TNFAIP8: variants seen among roughly 807,000 people sequenced by gnomAD.
TNFAIP8 encodes tumor necrosis factor alpha-induced protein 8.
TNFAIP8 carries 7 observed loss-of-function variants against 13.3 expected under a neutral mutation model. That is an observed-to-expected ratio of 0.52 (90% confidence interval 0.30 to 0.99). The LOEUF (loss-of-function observed/expected upper bound fraction) is 0.99. TNFAIP8 is among the 50% of genes least tolerant of loss of function. TNFAIP8 has a pLI of 0.07. For missense variants in TNFAIP8, 258 were observed against 236.9 expected, an observed-to-expected ratio of 1.09 and a Z score of -0.58; for synonymous variants, 94 against 87.6, an observed-to-expected ratio of 1.07 and a Z score of -0.41.
At chr5:119,351,745 A>T (rs1040055125), upstream of TNFAIP8, among the ~76,000 whole-genome samples, 14 of 150,126 alleles carry the variant, frequency 9.3e-5, no homozygotes, top group African/African-American at 3.0e-4. Context: ...ATTCTAGTAT[A>T]TACAATTTTC....
chr5:119,338,476 A>G (rs958845169), intron 1 of TNFAIP8, among the ~76,000 whole-genome samples: 2 of 152,180 alleles, frequency 1.3e-5, no homozygotes, highest in Middle Eastern at 3.2e-3. Flanking sequence ...GCTCTCTGCT[A>G]TCAGTCACCA....
intron 1 of TNFAIP8, among the ~76,000 whole-genome samples, chr5:119,316,556 T>G (rs1158338302): frequency 1.3e-5 from 2 of 152,096 alleles, no homozygotes; most frequent in African/African-American, 2.4e-5. Flanking sequence ...TTGAGTTGGG[T>G]TAAATTGATT....
intron 1 of TNFAIP8, among the ~76,000 whole-genome samples, chr5:119,293,248 G>A (rs1504979): frequency 0.78 from 118,766 of 151,968 alleles, 47,904 homozygotes; most frequent in East Asian, 0.95. Flanking sequence ...GTTTTCAAAT[G>A]TACAATAGAT....
At chr5:119,353,731 T>A (rs1172098533), upstream of TNFAIP8, among the ~76,000 whole-genome samples, 1 of 151,160 alleles carries the variant, frequency 6.6e-6, no homozygotes, top group Non-Finnish European at 1.5e-5. Flanking sequence ...TTTTAACATA[T>A]CTTATGTGGT....
chr5:119,272,880 G>T (rs1016018041), intron 1 of TNFAIP8, among the ~76,000 whole-genome samples: 2 of 152,192 alleles, frequency 1.3e-5, no homozygotes, highest in Non-Finnish European at 2.9e-5. Context: ...AGGTGACGGG[G>T]GGCTAGGTGT....
chr5:119,329,286 A>T (rs146695809), intron 1 of TNFAIP8, among the ~76,000 whole-genome samples: 2 of 152,242 alleles, frequency 1.3e-5, no homozygotes, highest in Non-Finnish European at 2.9e-5. Context: ...TACACAATTT[A>T]TACTTAAAAC....
chr5:119,318,557 A>T (rs1749964870), intron 1 of TNFAIP8, among the ~76,000 whole-genome samples: 1 of 152,100 alleles, frequency 6.6e-6, no homozygotes, highest in South Asian at 2.1e-4. Flanking sequence ...CAGTCTCCCA[A>T]AATGCTGAGA....
At chr5:119,367,280 G>T (rs375651297) in intron 1 of TNFAIP8, among the ~76,000 whole-genome samples, 6 of 150,094 alleles carry the variant, frequency 4.0e-5, no homozygotes, top group African/African-American at 1.5e-4. Flanking sequence ...ATTAAGCAAA[G>T]AAAGGAATAA....
At chr5:119,341,696 C>G (rs764091500) in intron 1 of TNFAIP8, among the ~76,000 whole-genome samples, 1 of 152,280 alleles carries the variant, frequency 6.6e-6, no homozygotes, top group Middle Eastern at 3.4e-3. Flanking sequence ...CATATCTTCA[C>G]GGAAGTCATT....
chr5:119,355,953 G>A (rs1751388514), upstream of TNFAIP8: 11 of 1,457,774 alleles, frequency 7.5e-6, no homozygotes, highest in African/African-American at 4.3e-5. Flanking sequence ...CCGCTCTCCC[G>A]CCCCGGGGAG....
intron 1 of TNFAIP8, among the ~76,000 whole-genome samples, chr5:119,273,566 G>A (rs1213581326): frequency 6.6e-6 from 1 of 152,186 alleles, no homozygotes; most frequent in Non-Finnish European, 1.5e-5. Context: ...ACGAAGACGA[G>A]CCATAGTACC....
At chr5:119,284,857 A>G (rs1748729388) in intron 1 of TNFAIP8, among the ~76,000 whole-genome samples, 1 of 152,204 alleles carries the variant, frequency 6.6e-6, no homozygotes, top group African/African-American at 2.4e-5. Flanking sequence ...TCAATAAGGG[A>G]CAAGAAGAAG....
chr5:119,298,741 C>T (rs201169313), intron 1 of TNFAIP8, among the ~76,000 whole-genome samples: 1 of 152,062 alleles, frequency 6.6e-6, no homozygotes, highest in Non-Finnish European at 1.5e-5. Flanking sequence ...CTTTCAGGTA[C>T]ACCAATCTGA....
At chr5:119,355,056 G>GA (rs1245805858), upstream of TNFAIP8, 46 of 424,794 alleles carry the variant, frequency 1.1e-4, no homozygotes, top group African/African-American at 7.9e-4. Flanking sequence ...TTGCAGAAGG[G>GA]AAAACCAAGG....
chr5:119,340,692 T>C (rs1750706133), intron 1 of TNFAIP8, among the ~76,000 whole-genome samples: 2 of 152,036 alleles, frequency 1.3e-5, no homozygotes, highest in Non-Finnish European at 2.9e-5. Context: ...GGTGGGGACT[T>C]TGGTCCTCCA....
chr5:119,303,392 C>G (rs1264722101), intron 1 of TNFAIP8, among the ~76,000 whole-genome samples: 1 of 152,196 alleles, frequency 6.6e-6, no homozygotes, highest in Non-Finnish European at 1.5e-5. Flanking sequence ...TCTCCCTCTG[C>G]TGTCTCATTC....
chr5:119,353,953 G>A (rs1751282708), upstream of TNFAIP8, among the ~76,000 whole-genome samples: 1 of 152,178 alleles, frequency 6.6e-6, no homozygotes, highest in Admixed American at 6.5e-5. Context: ...CGGCCCTGGT[G>A]AGATCCCTTA....
At chr5:119,321,977 T>A (rs977837702) in intron 1 of TNFAIP8, among the ~76,000 whole-genome samples, 1 of 152,080 alleles carries the variant, frequency 6.6e-6, no homozygotes, top group Non-Finnish European at 1.5e-5. Context: ...CACCATGCTG[T>A]TCCTCAAACT....
intron 1 of TNFAIP8, among the ~76,000 whole-genome samples, chr5:119,289,591 C>A (rs1356591386): frequency 6.6e-6 from 1 of 152,166 alleles, no homozygotes; most frequent in Non-Finnish European, 1.5e-5. Flanking sequence ...GGGATTCTAC[C>A]AGGTTCAAGC....
Sources: gnomAD v4.1 joint callset for allele counts (sites outside exome capture counted in the v4.1 genomes callset) on GRCh38, gnomAD v4.1.1 for gene constraint, MANE v1.5 for transcripts, NCBI Gene and HGNC (gene_info 2026-07-23, HGNC 2026-07-21) for gene names.